Variants in ZNF471 observed in about 807,000 individuals in gnomAD.
ZNF471 encodes zinc finger protein 471, also known as EZFIT-related protein 1.
In ZNF471, 7 loss-of-function variants were observed where a neutral mutation model predicts 13.7. The ratio of observed to expected loss-of-function variants is 0.51; its 90% CI spans 0.29 to 0.96. The LOEUF (loss-of-function observed/expected upper bound fraction) is 0.96, where lower values mean the gene tolerates loss of function less well. Among genes scored for constraint, ZNF471 ranks in the 40% least tolerant of loss-of-function variants. The probability of loss-of-function intolerance (pLI) is 0.08; values close to 1 mark genes in which losing one functional copy is unlikely to be tolerated. For synonymous variants in ZNF471, 218 were observed against 235.6 expected, an observed-to-expected ratio of 0.93 and a Z score of 0.68; for missense variants, 663 against 743.3, an observed-to-expected ratio of 0.89 and a Z score of 1.26.
intron 1 of ZNF471, chr19:56,509,788 G>T (rs966861457): frequency 1.1e-6 from 1 of 890,558 alleles, no homozygotes; most frequent in African/African-American, 1.8e-5. Context: ...GAACTGTTTT[G>T]TGTTGTGTGA....
rs999722384 is a variant in ZNF471 at position 56,510,354 on chromosome 19, G to A, written c.-55-1163G>A. The A allele has an allele frequency of 1.0e-6, 1 of 985,536 alleles. No individual in the cohort carries two copies. Among genetic ancestry groups the A allele is most frequent in the East Asian group, 1.1e-4 (1 of 8,818 alleles). 61.0% of individuals were successfully genotyped at this position (985,536 alleles called of 1,614,324 possible). On this transcript the variant is annotated intron_variant, in intron 1 of 4. Coordinates refer to ENST00000308031, the MANE Select transcript of ZNF471 (RefSeq NM_020813.4). The surrounding 1 kb of genome is among the most constrained non-coding windows in gnomAD (Gnocchi z 4.3). Reference sequence around the variant, plus strand: ...AGAAAGACTAGTGATGTGGTTGTGTGAGAGACCAAAATGGGTGAGAAAGAA... The same window carrying A: ...AGAAAGACTAGTGATGTGGTTGTGTAAGAGACCAAAATGGGTGAGAAAGAA...
chr19:56,516,454 A>G lies in ZNF471; in HGVS notation c.160+53A>G. 1 of 1,519,346 alleles carries G rather than the reference A, an allele frequency of 6.6e-7. No individual in the cohort carries two copies. Among genetic ancestry groups the G allele is most frequent in the East Asian group, 2.3e-5 (1 of 43,404 alleles). The allele number at this position is 1,519,346 out of a possible 1,614,324, so 94.1% of individuals were successfully genotyped here. A position where few individuals can be genotyped will look rare whatever the true frequency, so the allele number is the denominator to read the frequency against. Reference sequence around the variant, plus strand: ...CTACCTTTAAGGAACTTTTTTGTCTATATATTATTAAATTTGCTTTTATTA... The same window carrying G: ...CTACCTTTAAGGAACTTTTTTGTCTGTATATTATTAAATTTGCTTTTATTA... On this transcript the variant is annotated intron_variant, in intron 3 of 4. Transcript: ENST00000308031. The surrounding 1 kb of genome is among the most constrained non-coding windows in gnomAD (Gnocchi z 4.4).
At position 56,518,466 on chromosome 19, in the gene ZNF471, T is replaced by G. The variant is rs373099892; in HGVS notation, c.161-16T>G. On this transcript the variant is annotated splice_polypyrimidine_tract_variant and intron_variant, in intron 3 of 4. Coordinates refer to ENST00000308031, the MANE Select transcript of ZNF471 (RefSeq NM_020813.4). Reference sequence around the variant, plus strand: ...CCAAAACATGACCAATTTTCATGTCTTTTTTTTATATGTAGGTCTTTGCAT... The same window carrying G: ...CCAAAACATGACCAATTTTCATGTCGTTTTTTTATATGTAGGTCTTTGCAT... 1.7e-4 allele frequency: 268 copies of G among 1,582,762 alleles called. 1 individual carries two copies. In the African/African-American group the frequency reaches 3.3e-3, roughly 20 times the overall value.
At position 56,526,474 on chromosome 19, in the gene ZNF471, T is replaced by C. The variant is rs192847454; in HGVS notation, c.*526T>C. 4.3e-3 allele frequency: 658 copies of C among 152,822 alleles called. 4 individuals are homozygous for C. The highest frequency in any genetic ancestry group is 7.0e-3 in the Non-Finnish European group (479 of 68,560). The allele number at this position is 152,822 out of a possible 1,614,324, so 9.5% of individuals were successfully genotyped here. A position where few individuals can be genotyped will look rare whatever the true frequency, so the allele number is the denominator to read the frequency against. ...CAGACACCGAGCTAGCTGTAGGAGT[T>C]TTTTTGATAGCCCAGTGGCACCTGG... On this transcript the variant is annotated 3_prime_UTR_variant, in exon 5 of 5. Transcript: ENST00000308031.
rs549897491 is a variant in ZNF471, at chr19:56,524,592, G to A, written c.525G>A (p.Glu175=). 6.3e-6 allele frequency: 10 copies of A among 1,594,020 alleles called. No homozygotes were observed. The East Asian group carries it at 1.6e-4, about 25-fold the overall frequency. The change falls in exon 5 of 5, where the codon GAG becomes GAA. Residue 175 remains glutamate (E), a synonymous_variant. Coordinates refer to ENST00000308031, the MANE Select transcript of ZNF471 (RefSeq NM_020813.4). The surrounding 1 kb of genome is among the most constrained non-coding windows in gnomAD (Gnocchi z 4.8). ...GKCIHLENIE[E]SIYNHTSDKK... ...GTATCCATCTGGAAAACATAGAAGA[G>A]AGTATTTATAATCACACATCAGATA...
intron 2 of ZNF471, 31 bp downstream of exon 2, chr19:56,511,635 A>G: frequency 6.4e-7 from 1 of 1,570,072 alleles, no homozygotes; most frequent in Non-Finnish European, 8.8e-7. Flanking sequence ...TCTTCATGAA[A>G]GGCAGTCTTG....
Position 56,511,548 on chromosome 19 carries a change from G to T in ZNF471, c.-24G>T. On this transcript the variant is annotated 5_prime_UTR_variant, in exon 2 of 5. Coordinates refer to ENST00000308031, the MANE Select transcript of ZNF471 (RefSeq NM_020813.4). ...CCTCCCAAGACACTGTTCTTCAAGAGAAAGACCAGAAGAGAAGGCAAAAAT... is the reference window on the plus strand; with the variant it reads ...CCTCCCAAGACACTGTTCTTCAAGATAAAGACCAGAAGAGAAGGCAAAAAT... 7 of 1,613,864 alleles carry T rather than the reference G, an allele frequency of 4.3e-6. No homozygotes were observed. Among genetic ancestry groups the T allele is most frequent in the Non-Finnish European group, 5.9e-6 (7 of 1,179,844 alleles).
At chr19:56,518,016 C>G (rs73629924) in intron 3 of ZNF471, among the ~76,000 whole-genome samples, 3 of 151,916 alleles carry the variant, frequency 2.0e-5, no homozygotes, top group Non-Finnish European at 4.4e-5. Context: ...GCAGTGTGAG[C>G]GTCTATTGCT....
rs2147937030 is a variant in ZNF471 at position 56,530,101 on chromosome 19, T to C, written c.*4153T>C. On this transcript the variant is annotated 3_prime_UTR_variant, in exon 5 of 5. Coordinates refer to ENST00000308031, the MANE Select transcript of ZNF471 (RefSeq NM_020813.4). The stretch of plus-strand genomic sequence containing the variant: ...TAGATCACTGTGTAGTTACGGAAAA[T>C]GAGATGGATCTCTACTCAAAGATGT... 6.6e-6 allele frequency: 1 copy of C among 152,330 alleles called. No homozygotes were observed. Among genetic ancestry groups the C allele is most frequent in the South Asian group, 2.1e-4 (1 of 4,830 alleles). 9.4% of individuals were successfully genotyped at this position (152,330 alleles called of 1,614,324 possible).
Position 56,527,731 on chromosome 19 carries a change from A to T in ZNF471, c.*1783A>T, listed in dbSNP as rs1001482325. The T allele has an allele frequency of 6.6e-6, 1 of 152,230 alleles. No homozygotes were observed. The highest frequency in any genetic ancestry group is 6.5e-5 in the Admixed American group (1 of 15,286). 9.4% of individuals were successfully genotyped at this position (152,230 alleles called of 1,614,324 possible). ...GAATGCTTTACAGGGAAGAATTCATACTGCAGAGCGGTCTTAACAATGTAA... is the reference window on the plus strand; with the variant it reads ...GAATGCTTTACAGGGAAGAATTCATTCTGCAGAGCGGTCTTAACAATGTAA... On this transcript the variant is annotated 3_prime_UTR_variant, in exon 5 of 5. Transcript: ENST00000308031.
At position 56,524,855 on chromosome 19, in the gene ZNF471, A is replaced by AATGT. The variant is rs1284481990; in HGVS notation, c.790_793dup (p.Lys265MetfsTer2). On this transcript the variant is annotated frameshift_variant, in exon 5 of 5. Transcript: ENST00000308031. LOFTEE classifies it low-confidence loss of function (END_TRUNC). The surrounding 1 kb of genome is among the most constrained non-coding windows in gnomAD (Gnocchi z 4.8). ...ACACATACTGGAGAGAAACTCTTTG[A>AATGT]ATGTAAAGAATGTAGGAAAGCCTTC... is the stretch of plus-strand genomic sequence containing the variant. 3.1e-6 allele frequency: 5 copies of AATGT among 1,610,316 alleles called. No individual in the cohort carries two copies. Among genetic ancestry groups the AATGT allele is most frequent in the Non-Finnish European group, 4.2e-6 (5 of 1,178,498 alleles).
In ZNF471 at chr19:56,511,585, T is replaced by A; in HGVS notation, c.14T>A (p.Val5Glu). MNVE[V>E]VKVMPQDLVT... ...GAGAAGGCAAAAATGAATGTTGAAG[T>A]AGTAAAAGTCATGCCCCAGGTTAGT... Residue 5 changes from valine to glutamate, a missense_variant, in exon 2 of 5, where the codon GTA becomes GAA. Physicochemically the swap from Val to Glu is moderately radical, Grantham distance 121 (BLOSUM62 -2). Coordinates refer to ENST00000308031, the MANE Select transcript of ZNF471 (RefSeq NM_020813.4). The A allele has an allele frequency of 1.2e-6, 2 of 1,613,934 alleles. No homozygotes were observed. Among genetic ancestry groups the A allele is most frequent in the Non-Finnish European group, 1.7e-6 (2 of 1,179,816 alleles).
At chr19:56,518,415 G>C in intron 3 of ZNF471, 67 bp from the exon 4 acceptor site, 1 of 1,165,004 alleles carries the variant, frequency 8.6e-7, no homozygotes, top group Non-Finnish European at 1.3e-6. Flanking sequence ...CAGAATTAAG[G>C]TACTGGCTTT....
At chr19:56,517,495 TG>T (rs1390139493) in intron 3 of ZNF471, among the ~76,000 whole-genome samples, 5 of 151,964 alleles carry the variant, frequency 3.3e-5, no homozygotes, top group Non-Finnish European at 7.4e-5. Context: ...TTAGTAGAGA[TG>T]GGGTTTCACC....
At position 56,510,411 on chromosome 19, in the gene ZNF471, G is replaced by T; in HGVS notation, c.-55-1106G>T. On this transcript the variant is annotated intron_variant, in intron 1 of 4. Transcript: ENST00000308031. The surrounding 1 kb of genome is among the most constrained non-coding windows in gnomAD (Gnocchi z 4.3). ...TGAACCATGGTGTGTTATCCAAAAG[G>T]CTTTACAAATATAACCTCTGTGAGG... 2.0e-6 allele frequency: 2 copies of T among 985,486 alleles called. No individual in the cohort carries two copies. The highest frequency in any genetic ancestry group is 2.4e-6 in the Non-Finnish European group (2 of 829,938). The allele number at this position is 985,486 out of a possible 1,614,324, so 61.0% of individuals were successfully genotyped here.
rs960835180 is a variant in ZNF471 at position 56,516,217 on chromosome 19, C to G, written c.34-58C>G. ...CTAAAGTAGAGACACTTTGGATCAACTCAGAGTTATCTTTGGACACGAGCA... is the reference window on the plus strand; with the variant it reads ...CTAAAGTAGAGACACTTTGGATCAAGTCAGAGTTATCTTTGGACACGAGCA... On this transcript the variant is annotated intron_variant, in intron 2 of 4. Coordinates refer to ENST00000308031, the MANE Select transcript of ZNF471 (RefSeq NM_020813.4). This position sits in a 1 kb window ranked among gnomAD's most constrained non-coding sequence, Gnocchi z 4.4. The G allele has an allele frequency of 4.4e-6, 7 of 1,578,962 alleles. No homozygotes were observed. The Admixed American group carries it at 1.0e-4, about 23-fold the overall frequency.
chr19:56,509,840 G>A (rs1011330559), intron 1 of ZNF471: 21 of 985,128 alleles, frequency 2.1e-5, no homozygotes, highest in Non-Finnish European at 2.5e-5. Context: ...TTTGTCACCT[G>A]AGTGTGTTAT....
At position 56,510,119 on chromosome 19, in the gene ZNF471, G is replaced by T. The variant is rs1450878665; in HGVS notation, c.-55-1398G>T. 11 of 985,364 alleles carry T rather than the reference G, an allele frequency of 1.1e-5. No individual in the cohort carries two copies. The highest frequency in any genetic ancestry group is 6.1e-5 in the Admixed American group (1 of 16,264). The allele number at this position is 985,364 out of a possible 1,614,324, so 61.0% of individuals were successfully genotyped here. A position where few individuals can be genotyped will look rare whatever the true frequency, so the allele number is the denominator to read the frequency against. ...GTCTGGACTGGTAGGTTGTGAGAGG[G>T]TGTATCACAGTATGAAAAAGATTGG... On this transcript the variant is annotated intron_variant, in intron 1 of 4. Coordinates refer to ENST00000308031, the MANE Select transcript of ZNF471 (RefSeq NM_020813.4). The surrounding 1 kb of genome is among the most constrained non-coding windows in gnomAD (Gnocchi z 4.3).
At position 56,525,200 on chromosome 19, in the gene ZNF471, T is replaced by A; in HGVS notation, c.1133T>A (p.Ile378Asn). 6.2e-7 allele frequency: 1 copy of A among 1,614,028 alleles called. No homozygotes were observed. The highest frequency in any genetic ancestry group is 8.5e-7 in the Non-Finnish European group (1 of 1,179,978). The change falls in exon 5 of 5, where the codon ATT becomes AAT. Residue 378 changes from isoleucine to asparagine, a missense_variant. Physicochemically the swap from Ile to Asn is moderately radical, Grantham distance 149. Coordinates refer to ENST00000308031, the MANE Select transcript of ZNF471 (RefSeq NM_020813.4). ...ACTGGAGAGAAGCCTTTTAATTGCA[T>A]TGATTGTGGGAAAGCCTTCAGTGTT... ...YHTGEKPFNCIDCGKAFSVHI... is the reference protein window; with the variant it reads ...YHTGEKPFNCNDCGKAFSVHI...
Sources: allele counts gnomAD v4.1 joint callset (sites outside exome capture counted in the v4.1 genomes callset), GRCh38; gene constraint gnomAD v4.1.1; non-coding constraint Gnocchi (gnomAD v3.1); transcripts MANE v1.5; gene names NCBI Gene and HGNC (gene_info 2026-07-23, HGNC 2026-07-21).